LARGE1: variants seen among roughly 807,000 people sequenced by gnomAD.
LARGE1 encodes LARGE xylosyl- and glucuronyltransferase 1.
A neutral mutation model predicts 87.6 loss-of-function variants in LARGE1; 43 were observed. The observed-to-expected ratio is 0.49, with a 90% confidence interval of 0.38 to 0.63. The LOEUF is 0.63. Ranked by LOEUF, LARGE1 falls within the 30% of genes least tolerant of loss-of-function variation. LARGE1 has a pLI of 0.00. For synonymous variants in LARGE1, 434 were observed against 394.6 expected (o/e 1.10, Z -1.18); for missense variants, 802 against 1,000.2 (o/e 0.80, Z 2.67).
chr22:33,829,943 C>T (rs971444685), intron 1 of LARGE1, among the ~76,000 whole-genome samples: 1 of 152,090 alleles, frequency 6.6e-6, no homozygotes, highest in Non-Finnish European at 1.5e-5. Context: ...GCAGACCAGG[C>T]CCCTGCTTGA....
chr22:33,404,228 C>T lies in LARGE1; in HGVS notation c.893-19924G>A, dbSNP rs144468629. 3.9e-5 allele frequency among the ~76,000 whole-genome samples: 6 copies of T among 152,196 alleles called. No individual in the cohort carries two copies. The South Asian group carries it at 8.3e-4, about 21-fold the overall frequency. ...TATTTAAGACAGGATCTGCAGGAGG[C>T]GAGGTAGCATGCCATGCTGATAAGG... On this transcript the variant is annotated intron_variant, in intron 7 of 14. Coordinates refer to ENST00000397394, the MANE Select transcript of LARGE1 (RefSeq NM_133642.5).
chr22:33,628,860 G>A (rs562797716), intron 3 of LARGE1, among the ~76,000 whole-genome samples: 1 of 152,236 alleles, frequency 6.6e-6, no homozygotes, highest in Admixed American at 6.5e-5. Flanking sequence ...TCTGGGGTGG[G>A]GGGCAGGGGG....
chr22:33,449,993 C>T (rs1353033529), intron 6 of LARGE1, among the ~76,000 whole-genome samples: 1 of 152,020 alleles, frequency 6.6e-6, no homozygotes, highest in Non-Finnish European at 1.5e-5. Flanking sequence ...CTCACTGCAA[C>T]CTCCGCCTCT....
At chr22:33,075,630 C>G in the LARGE1 span, among the ~76,000 whole-genome samples, 6 of 152,258 alleles carry the variant, frequency 3.9e-5, no homozygotes, top group African/African-American at 1.4e-4. Flanking sequence ...TTGAAAGGAT[C>G]TTGGAGGAGA....
chr22:33,781,856 C>T (rs982597480), intron 1 of LARGE1, among the ~76,000 whole-genome samples: 1 of 152,056 alleles, frequency 6.6e-6, no homozygotes, highest in Non-Finnish European at 1.5e-5. Context: ...AAATAGAAAG[C>T]AATGCCAGCT....
intron 6 of LARGE1, among the ~76,000 whole-genome samples, chr22:33,552,638 T>C (rs1388620534): frequency 2.0e-5 from 3 of 150,606 alleles, no homozygotes; most frequent in Non-Finnish European, 4.4e-5. Context: ...AACTCAAAGA[T>C]AAAAAGAAAA....
intron 6 of LARGE1, among the ~76,000 whole-genome samples, chr22:33,484,774 C>T (rs575849463): frequency 6.6e-6 from 1 of 152,314 alleles, no homozygotes; most frequent in Admixed American, 6.5e-5. Context: ...TTCAGCTTCT[C>T]TTCCTCTTCA....
chr22:33,882,042 TTTG>T (rs2064704632), intron 1 of LARGE1, among the ~76,000 whole-genome samples: 1 of 149,348 alleles, frequency 6.7e-6, no homozygotes, highest in African/African-American at 2.5e-5. Context: ...TTTGTTTTTT[TTTG>T]TTTTTTTTTT....
chr22:33,158,090 G>A (rs1921924112), downstream of LARGE1, among the ~76,000 whole-genome samples: 1 of 152,084 alleles, frequency 6.6e-6, no homozygotes, highest in Non-Finnish European at 1.5e-5. Flanking sequence ...TAAAATATAT[G>A]AGTGTGTAAA....
intron 2 of LARGE1, chr22:33,737,666 A>G (rs1027578467): frequency 6.6e-6 from 1 of 152,342 alleles, no homozygotes; most frequent in East Asian, 1.9e-4. Flanking sequence ...AAAGTCTCCC[A>G]AGGATTCAAG....
chr22:33,883,458 C>T (rs2146775053), intron 1 of LARGE1, among the ~76,000 whole-genome samples: 1 of 152,308 alleles, frequency 6.6e-6, no homozygotes, highest in South Asian at 2.1e-4. Flanking sequence ...TCCGCAGTCT[C>T]CCTGTTTCAG....
chr22:33,521,712 T>G (rs1192737635), intron 6 of LARGE1, among the ~76,000 whole-genome samples: 1 of 152,164 alleles, frequency 6.6e-6, no homozygotes, highest in African/African-American at 2.4e-5. Flanking sequence ...ACACCACGTT[T>G]TTTCTACTCA....
At chr22:33,660,531 C>T (rs143988512) in intron 2 of LARGE1, among the ~76,000 whole-genome samples, 242 of 152,330 alleles carry the variant, frequency 1.6e-3, no homozygotes, top group African/African-American at 5.2e-3. Context: ...AGCCCCTAAA[C>T]TTCAATCACT....
chr22:33,597,354 T>G (rs1392232408), intron 5 of LARGE1, among the ~76,000 whole-genome samples: 1 of 151,598 alleles, frequency 6.6e-6, no homozygotes, highest in Non-Finnish European at 1.5e-5. Context: ...CATGCTCTCT[T>G]CAGTCTCTCC....
chr22:33,439,636 T>A (rs916224008), intron 6 of LARGE1, among the ~76,000 whole-genome samples: 1 of 152,178 alleles, frequency 6.6e-6, no homozygotes, highest in Admixed American at 6.5e-5. Context: ...TCAGACACTA[T>A]TGACTGGAAG....
intron 11 of LARGE1, among the ~76,000 whole-genome samples, chr22:33,196,440 C>A (rs558628549): frequency 6.6e-6 from 1 of 152,086 alleles, no homozygotes; most frequent in South Asian, 2.1e-4. Context: ...TTAGCTAAAA[C>A]AATGCAAGAT....
At chr22:33,519,331 C>T (rs531567717) in intron 6 of LARGE1, among the ~76,000 whole-genome samples, 1 of 152,166 alleles carries the variant, frequency 6.6e-6, no homozygotes, top group Non-Finnish European at 1.5e-5. Context: ...GAGGGAGGAA[C>T]AGCCAAGGCA....
intron 9 of LARGE1, among the ~76,000 whole-genome samples, chr22:33,377,851 C>T (rs1001620345): frequency 1.3e-5 from 2 of 152,156 alleles, no homozygotes; most frequent in Non-Finnish European, 2.9e-5. Flanking sequence ...TTTAACATAT[C>T]CATTTAATTT....
intron 1 of LARGE1, among the ~76,000 whole-genome samples, chr22:33,848,416 C>CG (rs35116031): frequency 6.6e-6 from 1 of 151,668 alleles, no homozygotes; most frequent in Middle Eastern, 3.2e-3. Context: ...CTTTGGCCAG[C>CG]CCTCTATTTC....
Sources: gnomAD v4.1 joint callset for allele counts (sites outside exome capture counted in the v4.1 genomes callset) on GRCh38, gnomAD v4.1.1 for gene constraint, MANE v1.5 for transcripts, NCBI Gene and HGNC (gene_info 2026-07-23, HGNC 2026-07-21) for gene names.